CCSER1: variants seen among roughly 807,000 people sequenced by gnomAD.
CCSER1 encodes the protein coiled-coil serine rich protein 1, also known as serine-rich coiled-coil domain-containing protein 1.
CCSER1 carries 41 observed loss-of-function variants against 82.0 expected under a neutral mutation model. The ratio of observed to expected loss-of-function variants is 0.50; its 90% CI spans 0.39 to 0.65. CCSER1 has a LOEUF of 0.65. Among genes scored for constraint, CCSER1 ranks in the 30% least tolerant of loss-of-function variants. The probability of loss-of-function intolerance (pLI) is 0.00; values close to 1 mark genes in which losing one functional copy is unlikely to be tolerated. For missense variants in CCSER1, 1,119 were observed against 1,064.2 expected (o/e 1.05, Z -0.72); for synonymous variants, 414 against 383.9 (o/e 1.08, Z -0.92).
rs538112402 is a variant in CCSER1 at position 90,764,709 on chromosome 4, T to C, written c.2010+40718T>C. Among the ~76,000 whole-genome samples the C allele has an allele frequency of 7.9e-5, 12 of 152,254 alleles. No homozygotes were observed. The East Asian group carries it at 1.7e-3, about 22-fold the overall frequency. On this transcript the variant is annotated intron_variant, in intron 7 of 10. Coordinates refer to ENST00000509176, the MANE Select transcript of CCSER1 (RefSeq NM_001145065.2). ...ATAAGATATAGGACATTTTAAAGAC[T>C]AATGAAGAAAATTGTATTTAATTTA...
chr4:90,710,258 T>C (rs1740296477), intron 6 of CCSER1, among the ~76,000 whole-genome samples: 1 of 152,140 alleles, frequency 6.6e-6, no homozygotes, highest in Admixed American at 6.6e-5. Flanking sequence ...CACTTCATTC[T>C]AGTGATAGTT....
chr4:90,383,731 C>CT (rs145921382), intron 3 of CCSER1, among the ~76,000 whole-genome samples: 8 of 149,558 alleles, frequency 5.3e-5, no homozygotes, highest in Admixed American at 2.7e-4. Context: ...TTCTTCCTTT[C>CT]TTTTTTTTTT....
At chr4:90,883,539 A>T (rs1561301390) in intron 8 of CCSER1, among the ~76,000 whole-genome samples, 1 of 149,050 alleles carries the variant, frequency 6.7e-6, no homozygotes, top group African/African-American at 2.4e-5. Flanking sequence ...AAAGTCTGAG[A>T]TTTTTTTTTT....
chr4:90,694,523 A>G (rs1485079923), intron 6 of CCSER1, among the ~76,000 whole-genome samples: 1 of 152,038 alleles, frequency 6.6e-6, no homozygotes, highest in African/African-American at 2.4e-5. Context: ...AAGCTTCATT[A>G]CATTTCTTTG....
chr4:91,065,425 CAATT>C (rs1378276091), intron 9 of CCSER1, among the ~76,000 whole-genome samples: 2 of 151,830 alleles, frequency 1.3e-5, no homozygotes, highest in South Asian at 4.1e-4. Flanking sequence ...CATACTATTA[CAATT>C]AATTATTTTT....
chr4:91,014,780 A>C (rs1739283101), intron 9 of CCSER1, among the ~76,000 whole-genome samples: 1 of 152,230 alleles, frequency 6.6e-6, no homozygotes, highest in African/African-American at 2.4e-5. Context: ...TGCTAAAAAT[A>C]ACAAATAGTG....
chr4:90,308,606 C>T lies in CCSER1; in HGVS notation c.322C>T (p.His108Tyr), dbSNP rs200481128. The T allele has an allele frequency of 8.6e-5, 138 of 1,613,842 alleles. No individual in the cohort carries two copies. In the African/African-American group the frequency reaches 1.7e-3, roughly 20 times the overall value. Residue 108 changes from histidine (H) to tyrosine (Y), a missense_variant, in exon 2 of 11, where the codon CAT (histidine) becomes TAT (tyrosine). Physicochemically the swap from His to Tyr is moderately conservative, Grantham distance 83 (BLOSUM62 2). Transcript: ENST00000509176. ...TATGCAGAAACTGAGTTTGGAAGAACATATTAAGACCAGGGGAAGACATTC... is the reference window on the plus strand; with the variant it reads ...TATGCAGAAACTGAGTTTGGAAGAATATATTAAGACCAGGGGAAGACATTC... ...SNMQKLSLEE[H>Y]IKTRGRHSVG...
At chr4:90,826,956 C>T (rs1039565586) in intron 8 of CCSER1, among the ~76,000 whole-genome samples, 1 of 152,110 alleles carries the variant, frequency 6.6e-6, no homozygotes, top group East Asian at 1.9e-4. Flanking sequence ...GGGGGTCTTT[C>T]CCCGTTCAGT....
intron 9 of CCSER1, among the ~76,000 whole-genome samples, chr4:91,039,939 A>T (rs531548824): frequency 6.6e-6 from 1 of 152,268 alleles, no homozygotes; most frequent in Non-Finnish European, 1.5e-5. Context: ...TGTCATGTGT[A>T]GAAAGGCCTG....
chr4:90,772,719 G>T (rs916268797), intron 7 of CCSER1, among the ~76,000 whole-genome samples: 3 of 152,056 alleles, frequency 2.0e-5, no homozygotes, highest in African/African-American at 7.2e-5. Flanking sequence ...TGACTTGTCT[G>T]TTAAAATTGA....
chr4:90,365,734 A>G (rs1191526281), intron 3 of CCSER1, among the ~76,000 whole-genome samples: 1 of 151,902 alleles, frequency 6.6e-6, no homozygotes, highest in Non-Finnish European at 1.5e-5. Context: ...GAGTGAGTTA[A>G]GAGAAGGAAG....
intron 10 of CCSER1, among the ~76,000 whole-genome samples, chr4:91,327,965 A>T (rs1013763359): frequency 1.3e-5 from 2 of 152,136 alleles, no homozygotes; most frequent in Non-Finnish European, 2.9e-5. Context: ...CCTCATCTCC[A>T]TCTGAGACCA....
intron 1 of CCSER1, among the ~76,000 whole-genome samples, chr4:90,251,141 A>T (rs1722303896): frequency 6.6e-6 from 1 of 151,926 alleles, no homozygotes; most frequent in African/African-American, 2.4e-5. Context: ...AGATCATAAG[A>T]TCATTCCCTT....
At chr4:91,243,609 G>A (rs1259598719) in intron 10 of CCSER1, among the ~76,000 whole-genome samples, 1 of 152,116 alleles carries the variant, frequency 6.6e-6, no homozygotes, top group Non-Finnish European at 1.5e-5. Flanking sequence ...GGGTAGAATA[G>A]GGAGGCCCCC....
chr4:90,647,394 A>G (rs1335755070), intron 6 of CCSER1, among the ~76,000 whole-genome samples: 1 of 152,172 alleles, frequency 6.6e-6, no homozygotes, highest in Non-Finnish European at 1.5e-5. Context: ...CCGCTTTTAC[A>G]GGGCTTTCTA....
chr4:91,332,522 T>C (rs1313991819), intron 10 of CCSER1, among the ~76,000 whole-genome samples: 1 of 151,860 alleles, frequency 6.6e-6, no homozygotes, highest in African/African-American at 2.4e-5. Context: ...TCTAGTTCTT[T>C]TTATTTTTTA....
At chr4:90,840,790 C>T (rs1477763143) in intron 8 of CCSER1, among the ~76,000 whole-genome samples, 1 of 151,786 alleles carries the variant, frequency 6.6e-6, no homozygotes, top group African/African-American at 2.4e-5. Context: ...GTATGCAAGT[C>T]ACTGTGAATT....
intron 8 of CCSER1, among the ~76,000 whole-genome samples, chr4:90,914,155 C>T (rs1272916088): frequency 6.6e-6 from 1 of 152,194 alleles, no homozygotes; most frequent in Non-Finnish European, 1.5e-5. Context: ...TGATAGACAT[C>T]TACAGAACTC....
intron 3 of CCSER1, among the ~76,000 whole-genome samples, chr4:90,346,303 T>G (rs1488740318): frequency 6.6e-6 from 1 of 152,028 alleles, no homozygotes; most frequent in Non-Finnish European, 1.5e-5. Flanking sequence ...AGATTTCTTA[T>G]TATTCAGTTA....
Sources: gnomAD v4.1 joint callset for allele counts (sites outside exome capture counted in the v4.1 genomes callset) on GRCh38, gnomAD v4.1.1 for gene constraint, MANE v1.5 for transcripts, NCBI Gene and HGNC (gene_info 2026-07-23, HGNC 2026-07-21) for gene names.